Variants in EYA2 observed in about 807,000 individuals in gnomAD.
EYA2 encodes EYA transcriptional coactivator and phosphatase 2, also known as protein phosphatase EYA2.
A neutral mutation model predicts 69.2 loss-of-function variants in EYA2; 31 were observed. The observed-to-expected ratio is 0.45, with a 90% CI of 0.34 to 0.60. The LOEUF (loss-of-function observed/expected upper bound fraction) is 0.60. EYA2 is among the 20% of genes least tolerant of loss of function. EYA2 has a pLI of 0.02. For missense variants in EYA2, 622 were observed against 701.2 expected (o/e 0.89, Z 1.28); for synonymous variants, 257 against 279.4 (o/e 0.92, Z 0.80).
chr20:47,074,444 A>T, intron 7 of EYA2, 109 bp downstream of exon 7: 1 of 1,199,868 alleles, frequency 8.3e-7, no homozygotes, highest in Non-Finnish European at 1.2e-6. Context: ...CCCAAGGGTC[A>T]TTCATGGATG....
chr20:47,091,030 C>A lies in EYA2; in HGVS notation c.804+1649C>A, dbSNP rs140120099. 4.2e-3 allele frequency among the ~76,000 whole-genome samples: 634 copies of A among 152,214 alleles called. 2 individuals carry two copies. The highest frequency in any genetic ancestry group is 0.015 in the African/African-American group (609 of 41,526). The stretch of plus-strand genomic sequence containing the variant: ...GTCAGTGCCAGGCAGTTCAAGTACA[C>A]CAGCGTCACATCCCTATTTATAATC... On this transcript the variant is annotated intron_variant, in intron 8 of 15. Coordinates refer to ENST00000327619, the MANE Select transcript of EYA2 (RefSeq NM_005244.5).
chr20:47,061,293 T>A (rs2030872622), intron 5 of EYA2, among the ~76,000 whole-genome samples: 1 of 152,066 alleles, frequency 6.6e-6, no homozygotes. Flanking sequence ...TTGGGAGGCC[T>A]AGGCAGGAGG....
intron 1 of EYA2, among the ~76,000 whole-genome samples, chr20:46,912,922 G>C (rs988449001): frequency 1.1e-4 from 17 of 150,974 alleles, no homozygotes; most frequent in Non-Finnish European, 1.9e-4. Flanking sequence ...GGATGGTCTC[G>C]ATCTCCTGAC....
intron 5 of EYA2, among the ~76,000 whole-genome samples, chr20:47,068,312 G>C (rs771579348): frequency 1.3e-5 from 2 of 152,252 alleles, no homozygotes; most frequent in Non-Finnish European, 2.9e-5. Flanking sequence ...GTATCTTTGT[G>C]TAGAGAAGCC....
At chr20:47,019,441 C>T (rs982751146) in intron 5 of EYA2, among the ~76,000 whole-genome samples, 3 of 152,094 alleles carry the variant, frequency 2.0e-5, no homozygotes, top group Non-Finnish European at 4.4e-5. Context: ...ACACACAGAA[C>T]GCTCACACAC....
Position 47,056,547 on chromosome 20 carries a change from C to T in EYA2, c.416-15638C>T, listed in dbSNP as rs377020970. On this transcript the variant is annotated intron_variant, in intron 5 of 15. Coordinates refer to ENST00000327619, the MANE Select transcript of EYA2 (RefSeq NM_005244.5). Reference sequence around the variant, plus strand: ...GCTGGGCTCTGGCCCTTGTATCCCACGTCTCACAGAACCACCACATAAGCC... The same window carrying T: ...GCTGGGCTCTGGCCCTTGTATCCCATGTCTCACAGAACCACCACATAAGCC... Among the ~76,000 whole-genome samples the T allele has an allele frequency of 1.1e-4, 17 of 152,304 alleles. No homozygotes were observed. The South Asian group carries it at 2.1e-3, about 19-fold the overall frequency.
At chr20:46,992,662 G>A (rs1027626929) in intron 2 of EYA2, among the ~76,000 whole-genome samples, 13 of 152,156 alleles carry the variant, frequency 8.5e-5, no homozygotes, top group African/African-American at 3.1e-4. Flanking sequence ...TTGTGACTTG[G>A]AGCTGTCAGT....
At chr20:47,069,152 CA>C (rs2031219719) in intron 5 of EYA2, among the ~76,000 whole-genome samples, 1 of 152,094 alleles carries the variant, frequency 6.6e-6, no homozygotes, top group Non-Finnish European at 1.5e-5. Flanking sequence ...AAAGCCAAAA[CA>C]AACTTGAAAA....
intron 2 of EYA2, among the ~76,000 whole-genome samples, chr20:46,996,111 A>T (rs765298280): frequency 6.6e-6 from 1 of 152,208 alleles, no homozygotes; most frequent in Non-Finnish European, 1.5e-5. Flanking sequence ...GTGCATGATA[A>T]ACACTTGTTG....
At chr20:46,897,561 G>GT (rs1168576148) in intron 1 of EYA2, among the ~76,000 whole-genome samples, 1 of 152,170 alleles carries the variant, frequency 6.6e-6, no homozygotes, top group Non-Finnish European at 1.5e-5. Flanking sequence ...TCCACCAGAT[G>GT]TTTTTTAGGT....
At chr20:47,097,041 C>T (rs370628058) in intron 8 of EYA2, 44 bp from the exon 9 acceptor site, 20 of 1,427,408 alleles carry the variant, frequency 1.4e-5, no homozygotes, top group South Asian at 2.3e-5. Flanking sequence ...GTCAGATGCA[C>T]GTGAGTCCAT....
At chr20:47,152,204 C>T (rs2033836070) in intron 10 of EYA2, among the ~76,000 whole-genome samples, 1 of 151,888 alleles carries the variant, frequency 6.6e-6, no homozygotes, top group South Asian at 2.1e-4. Flanking sequence ...GGTTCTGCAA[C>T]CTCAGCCGGG....
At chr20:47,078,831 G>A (rs912853586) in intron 7 of EYA2, among the ~76,000 whole-genome samples, 6 of 152,138 alleles carry the variant, frequency 3.9e-5, no homozygotes, top group African/African-American at 1.4e-4. Flanking sequence ...CTCTCAAGAA[G>A]AAATTGGGAA....
chr20:46,968,890 T>C (rs1485933905), intron 1 of EYA2, among the ~76,000 whole-genome samples: 3 of 152,188 alleles, frequency 2.0e-5, no homozygotes, highest in African/African-American at 7.2e-5. Context: ...TGAACCTCTC[T>C]TTCCTCTTCT....
intron 5 of EYA2, among the ~76,000 whole-genome samples, chr20:47,050,032 C>T (rs918026005): frequency 6.6e-6 from 1 of 152,168 alleles, no homozygotes; most frequent in Non-Finnish European, 1.5e-5. Context: ...TGACGTTGCA[C>T]CCTCAGTGCA....
chr20:46,987,962 CTCTA>C (rs1981374387), intron 1 of EYA2, among the ~76,000 whole-genome samples: 1 of 17,558 alleles, frequency 5.7e-5, no homozygotes. Context: ...CTCTCTCTCT[CTCTA>C]TATATATATA....
At chr20:47,015,698 T>C (rs1436666403) in intron 4 of EYA2, among the ~76,000 whole-genome samples, 1 of 152,196 alleles carries the variant, frequency 6.6e-6, no homozygotes, top group African/African-American at 2.4e-5. Context: ...TGAGACCTTC[T>C]TGGCCTGCCT....
intron 10 of EYA2, 23 bp downstream of exon 10, chr20:47,143,171 T>A (rs757724776): frequency 3.1e-6 from 5 of 1,591,428 alleles, no homozygotes; most frequent in Non-Finnish European, 4.3e-6. Context: ...TGATTTCATT[T>A]AATATTTGCC....
chr20:47,101,801 C>T lies in EYA2; in HGVS notation c.888+4633C>T, dbSNP rs527411890. Among the ~76,000 whole-genome samples the T allele has an allele frequency of 6.4e-4, 98 of 152,266 alleles. 1 individual carries two copies. The highest frequency in any genetic ancestry group is 2.2e-3 in the African/African-American group (91 of 41,550). ...GGATGTAGAGGAGAAGTGTGAGCCC[C>T]ATTTTGCAGACAGAGTGACTGAGAT... On this transcript the variant is annotated intron_variant, in intron 9 of 15. Transcript: ENST00000327619.
Sources: allele counts gnomAD v4.1 joint callset (sites outside exome capture counted in the v4.1 genomes callset), GRCh38; gene constraint gnomAD v4.1.1; transcripts MANE v1.5; gene names NCBI Gene and HGNC (gene_info 2026-07-23, HGNC 2026-07-21).